The following LHFPL6 variants were observed in gnomAD, a reference collection of about 807,000 sequenced individuals.
LHFPL6 encodes the protein LHFPL tetraspan subfamily member 6.
A neutral mutation model predicts 20.6 loss-of-function variants in LHFPL6; 9 were observed. The observed-to-expected ratio is 0.44, with a 90% confidence interval of 0.26 to 0.76. The LOEUF is 0.76. Among genes scored for constraint, LHFPL6 ranks in the 30% least tolerant of loss-of-function variants. The pLI is 0.20. For missense variants in LHFPL6, 218 were observed against 253.5 expected, an observed-to-expected ratio of 0.86 and a Z score of 0.95; for synonymous variants, 105 against 98.7, an observed-to-expected ratio of 1.06 and a Z score of -0.38.
chr13:39,448,502 C>T (rs1872353792), intron 2 of LHFPL6, among the ~76,000 whole-genome samples: 1 of 152,164 alleles, frequency 6.6e-6, no homozygotes, highest in African/African-American at 2.4e-5. Flanking sequence ...ACATTAGGCA[C>T]AAGAGAAATT....
rs769809604 is a variant in LHFPL6 at position 39,377,609 on chromosome 13, G to T, written c.484+819C>A. 2.0e-5 allele frequency among the ~76,000 whole-genome samples: 3 copies of T among 152,184 alleles called. No individual in the cohort carries two copies. The East Asian group carries it at 5.8e-4, about 29-fold the overall frequency. On this transcript the variant is annotated intron_variant, in intron 3 of 3. Transcript: ENST00000379589. ...AAGTAAATGTAGGTTTATCAAGCAA[G>T]TGAAATATTACCCAATTATTACAAA...
intron 2 of LHFPL6, among the ~76,000 whole-genome samples, chr13:39,421,896 G>A (rs1469526574): frequency 1.3e-5 from 2 of 152,188 alleles, no homozygotes; most frequent in African/African-American, 2.4e-5. Context: ...ACCAATGTGA[G>A]GAATCTGTAC....
intron 2 of LHFPL6, among the ~76,000 whole-genome samples, chr13:39,524,417 C>G (rs1449728232): frequency 2.0e-5 from 3 of 151,950 alleles, no homozygotes; most frequent in African/African-American, 7.2e-5. Flanking sequence ...ATTTATACAC[C>G]TTTCAAGATT....
At chr13:39,419,702 T>C (rs117643176) in intron 2 of LHFPL6, among the ~76,000 whole-genome samples, 2,382 of 152,284 alleles carry the variant, frequency 0.016, 21 homozygotes, top group Non-Finnish European at 0.024. Context: ...TTTAAAAAAT[T>C]TAATCATTTC....
intron 2 of LHFPL6, among the ~76,000 whole-genome samples, chr13:39,550,493 A>G (rs1289330309): frequency 1.3e-5 from 2 of 152,176 alleles, no homozygotes; most frequent in African/African-American, 2.4e-5. Flanking sequence ...TAATTTGTAT[A>G]TTGGAGTGAT....
intron 2 of LHFPL6, among the ~76,000 whole-genome samples, chr13:39,471,655 A>G (rs1872950606): frequency 6.6e-6 from 1 of 152,220 alleles, no homozygotes; most frequent in Non-Finnish European, 1.5e-5. Flanking sequence ...TTGAATTGTA[A>G]CTGGCTTTAT....
intron 2 of LHFPL6, among the ~76,000 whole-genome samples, chr13:39,423,939 A>C (rs1478295338): frequency 6.6e-6 from 1 of 152,162 alleles, no homozygotes; most frequent in African/African-American, 2.4e-5. Flanking sequence ...ACCCAGTAAA[A>C]CCAATTGAGA....
intron 2 of LHFPL6, among the ~76,000 whole-genome samples, chr13:39,520,006 A>G (rs1280413765): frequency 6.6e-6 from 1 of 152,224 alleles, no homozygotes; most frequent in Admixed American, 6.5e-5. Context: ...CTAGACGTGT[A>G]CATTAGTGAT....
At chr13:39,507,901 TCCTC>T (rs796296047) in intron 2 of LHFPL6, among the ~76,000 whole-genome samples, 6 of 146,762 alleles carry the variant, frequency 4.1e-5, no homozygotes, top group Non-Finnish European at 6.0e-5. Flanking sequence ...CTTCCTTCCT[TCCTC>T]CCTTCTTTCC....
intron 2 of LHFPL6, among the ~76,000 whole-genome samples, chr13:39,427,601 G>A (rs1871678564): frequency 6.6e-6 from 1 of 152,024 alleles, no homozygotes; most frequent in Non-Finnish European, 1.5e-5. Context: ...TGTTAAATGA[G>A]CCCTGCATTA....
intron 2 of LHFPL6, among the ~76,000 whole-genome samples, chr13:39,420,269 C>T (rs1289346714): frequency 6.6e-6 from 1 of 152,202 alleles, no homozygotes; most frequent in East Asian, 1.9e-4. Flanking sequence ...CGCCTTTGCC[C>T]ATCAAAATGT....
chr13:39,542,508 C>A lies in LHFPL6; in HGVS notation c.385+58324G>T, dbSNP rs185844933. Reference sequence around the variant, plus strand: ...AGAATGTCTTTCCCATTTGGCTCATCGCTCCACTGTGCCTCTTCTGCACCT... The same window carrying A: ...AGAATGTCTTTCCCATTTGGCTCATAGCTCCACTGTGCCTCTTCTGCACCT... On this transcript the variant is annotated intron_variant, in intron 2 of 3. Transcript: ENST00000379589. Among the ~76,000 whole-genome samples, 331 of 152,304 alleles carry A rather than the reference C, an allele frequency of 2.2e-3. 2 individuals are homozygous for A. The highest frequency in any genetic ancestry group is 7.5e-3 in the African/African-American group (312 of 41,558).
At chr13:39,448,177 T>G (rs1450758539) in intron 2 of LHFPL6, among the ~76,000 whole-genome samples, 1 of 152,224 alleles carries the variant, frequency 6.6e-6, no homozygotes, top group Non-Finnish European at 1.5e-5. Flanking sequence ...AGCCTCACTT[T>G]TCATGGAAAT....
At chr13:39,446,960 C>G (rs757939291) in intron 2 of LHFPL6, among the ~76,000 whole-genome samples, 1 of 152,172 alleles carries the variant, frequency 6.6e-6, no homozygotes, top group Non-Finnish European at 1.5e-5. Flanking sequence ...ATTGAGCCCT[C>G]GACCTTAAGC....
chr13:39,372,224 T>C (rs144035801), intron 3 of LHFPL6, among the ~76,000 whole-genome samples: 3 of 152,220 alleles, frequency 2.0e-5, no homozygotes, highest in Non-Finnish European at 4.4e-5. Context: ...TGCCTTGCTA[T>C]AATAAGAGAT....
intron 2 of LHFPL6, among the ~76,000 whole-genome samples, chr13:39,571,434 G>T (rs1272667258): frequency 6.6e-6 from 1 of 152,248 alleles, no homozygotes; most frequent in Admixed American, 6.5e-5. Flanking sequence ...GACTCAGTCA[G>T]TAGAGGAGGA....
chr13:39,379,586 C>A (rs773096150), intron 2 of LHFPL6, among the ~76,000 whole-genome samples: 1 of 152,154 alleles, frequency 6.6e-6, no homozygotes, highest in Non-Finnish European at 1.5e-5. Context: ...CCCTTCCGGG[C>A]CGTCTTTTGT....
intron 2 of LHFPL6, among the ~76,000 whole-genome samples, chr13:39,414,063 G>A (rs758756537): frequency 6.6e-6 from 1 of 152,104 alleles, no homozygotes; most frequent in African/African-American, 2.4e-5. Flanking sequence ...CCACTCTACT[G>A]TTCATAGGCA....
chr13:39,382,882 C>T (rs1870478426), intron 2 of LHFPL6, among the ~76,000 whole-genome samples: 1 of 151,924 alleles, frequency 6.6e-6, no homozygotes, highest in Non-Finnish European at 1.5e-5. Context: ...TTGTCACCTG[C>T]TAGTATTTGC....
Sources: allele counts gnomAD v4.1 joint callset (sites outside exome capture counted in the v4.1 genomes callset), GRCh38; gene constraint gnomAD v4.1.1; transcripts MANE v1.5; gene names NCBI Gene and HGNC (gene_info 2026-07-23, HGNC 2026-07-21).